MYT1L: variants seen among roughly 807,000 people sequenced by gnomAD.
MYT1L encodes the protein myelin transcription factor 1 like, also known as myelin transcription factor 1-like protein.
MYT1L carries 12 observed loss-of-function variants against 126.7 expected under a neutral mutation model. The ratio of observed to expected loss-of-function variants is 0.09; its 90% CI spans 0.06 to 0.15. The LOEUF (loss-of-function observed/expected upper bound fraction) is 0.15. MYT1L is among the 10% of genes least tolerant of loss of function. The pLI is 1.00. For missense variants in MYT1L, 979 were observed against 1,585.2 expected (o/e 0.62, Z 6.49); for synonymous variants, 541 against 604.2 (o/e 0.90, Z 1.53).
chr2:2,295,605 C>CAGAGAGAGAGAGAGAGAGAG (rs2095666291), intron 1 of MYT1L, among the ~76,000 whole-genome samples: 2 of 9,676 alleles, frequency 2.1e-4, no homozygotes, highest in Admixed American at 1.2e-3. Context: ...GAGAGAGAGA[C>CAGAGAGAGAGAGAGAGAGAG]AGACAGAGAG....
chr2:1,807,301 C>G (rs575590445), intron 22 of MYT1L, among the ~76,000 whole-genome samples: 31 of 152,364 alleles, frequency 2.0e-4, no homozygotes, highest in African/African-American at 7.0e-4. Flanking sequence ...AGGCGTCTCT[C>G]ATGCTGTCCT....
chr2:2,257,872 C>T lies in MYT1L; in HGVS notation c.-421+26532G>A, dbSNP rs1382630843. 2.7e-5 allele frequency among the ~76,000 whole-genome samples: 4 copies of T among 147,784 alleles called. No homozygotes were observed. The South Asian group carries it at 6.5e-4, about 24-fold the overall frequency. On this transcript the variant is annotated intron_variant, in intron 2 of 24. Coordinates refer to ENST00000647738, the MANE Select transcript of MYT1L (RefSeq NM_001303052.2). ...CCATCAAGCTACCAATGACTTTCTTCACAGAATTGGAAAAAACTACTTTAA... is the reference window on the plus strand; with the variant it reads ...CCATCAAGCTACCAATGACTTTCTTTACAGAATTGGAAAAAACTACTTTAA...
chr2:2,290,707 A>G (rs1042272966), intron 1 of MYT1L, among the ~76,000 whole-genome samples: 1 of 152,148 alleles, frequency 6.6e-6, no homozygotes, highest in Non-Finnish European at 1.5e-5. Flanking sequence ...ACCTGGTTGC[A>G]TATTGCAATT....
intron 2 of MYT1L, among the ~76,000 whole-genome samples, chr2:2,181,171 CAT>C (rs764111704): frequency 5.3e-5 from 8 of 150,738 alleles, no homozygotes; most frequent in South Asian, 2.1e-4. Context: ...TGTGTGTGCA[CAT>C]GTATCTGTAC....
chr2:2,278,044 A>G (rs2095391988), intron 2 of MYT1L, among the ~76,000 whole-genome samples: 1 of 152,240 alleles, frequency 6.6e-6, no homozygotes, highest in Non-Finnish European at 1.5e-5. Context: ...CATATACAAA[A>G]TTAGACTTCT....
At chr2:2,094,485 C>A (rs562316378) in intron 3 of MYT1L, among the ~76,000 whole-genome samples, 7 of 152,016 alleles carry the variant, frequency 4.6e-5, no homozygotes, top group African/African-American at 1.5e-4. Flanking sequence ...ATGTTTATTG[C>A]GGCACTATTT....
chr2:2,123,670 C>T (rs550932360), intron 3 of MYT1L, among the ~76,000 whole-genome samples: 4 of 152,346 alleles, frequency 2.6e-5, no homozygotes, highest in Non-Finnish European at 4.4e-5. Flanking sequence ...GCTTCCTGTA[C>T]AGCCTGTGGA....
chr2:2,214,614 T>C (rs1423058995), intron 2 of MYT1L, among the ~76,000 whole-genome samples: 1 of 152,162 alleles, frequency 6.6e-6, no homozygotes, highest in African/African-American at 2.4e-5. Context: ...AAGTTCTTTG[T>C]CCACAAAAAT....
chr2:2,018,045 C>T (rs558691991), intron 4 of MYT1L, among the ~76,000 whole-genome samples: 10 of 152,252 alleles, frequency 6.6e-5, no homozygotes, highest in South Asian at 2.1e-4. Flanking sequence ...CACACACAAA[C>T]GCACACACGT....
chr2:2,069,242 G>A (rs1027005900), intron 3 of MYT1L, among the ~76,000 whole-genome samples: 1 of 152,014 alleles, frequency 6.6e-6, no homozygotes, highest in African/African-American at 2.4e-5. Context: ...ACCCTGACAG[G>A]CCTTGGTGTG....
intron 5 of MYT1L, among the ~76,000 whole-genome samples, chr2:1,980,389 C>T (rs534324541): frequency 2.0e-5 from 3 of 150,608 alleles, no homozygotes; most frequent in African/African-American, 4.9e-5. Context: ...TCTGATTAAG[C>T]GGTTAAGACA....
At chr2:2,101,390 A>G (rs960228137) in intron 3 of MYT1L, among the ~76,000 whole-genome samples, 2 of 152,118 alleles carry the variant, frequency 1.3e-5, no homozygotes, top group African/African-American at 4.8e-5. Flanking sequence ...TATACGCAAA[A>G]TAAAGATTTA....
intron 17 of MYT1L, 62 bp from the exon 18 acceptor site, chr2:1,886,669 C>T: frequency 8.3e-7 from 1 of 1,200,324 alleles, no homozygotes; most frequent in Non-Finnish European, 1.1e-6. Context: ...CCCAAACAAA[C>T]ACAACATAAA....
At chr2:2,283,319 T>C (rs1207025617) in intron 2 of MYT1L, among the ~76,000 whole-genome samples, 1 of 152,188 alleles carries the variant, frequency 6.6e-6, no homozygotes, top group Non-Finnish European at 1.5e-5. Flanking sequence ...GTTTCTACAA[T>C]GGACATACAC....
chr2:2,094,728 C>T (rs1294075629), intron 3 of MYT1L, among the ~76,000 whole-genome samples: 2 of 143,486 alleles, frequency 1.4e-5, no homozygotes, highest in Admixed American at 7.3e-5. Context: ...ATAATGAGAA[C>T]ACTTGGTCAC....
intron 2 of MYT1L, among the ~76,000 whole-genome samples, chr2:2,239,824 G>A (rs887237282): frequency 3.3e-5 from 5 of 152,198 alleles, no homozygotes; most frequent in Non-Finnish European, 7.3e-5. Context: ...GAACTGAGAG[G>A]TGAAGTCTCC....
At chr2:2,187,968 A>G (rs1283235915) in intron 2 of MYT1L, among the ~76,000 whole-genome samples, 1 of 152,224 alleles carries the variant, frequency 6.6e-6, no homozygotes, top group Non-Finnish European at 1.5e-5. Context: ...TATATTAAAT[A>G]TATATGCATA....
intron 8 of MYT1L, among the ~76,000 whole-genome samples, chr2:1,948,518 A>G (rs1464334419): frequency 3.9e-5 from 6 of 152,228 alleles, no homozygotes; most frequent in Non-Finnish European, 4.4e-5. Context: ...CCAAAGGTTT[A>G]GAATATTTCA....
At chr2:2,075,399 C>A (rs1048528146) in intron 3 of MYT1L, among the ~76,000 whole-genome samples, 3 of 152,184 alleles carry the variant, frequency 2.0e-5, no homozygotes, top group Non-Finnish European at 4.4e-5. Flanking sequence ...CCAGCAAATT[C>A]ACAGTCATCT....
Sources: gnomAD v4.1 joint callset for allele counts (sites outside exome capture counted in the v4.1 genomes callset) on GRCh38, gnomAD v4.1.1 for gene constraint, MANE v1.5 for transcripts, NCBI Gene and HGNC (gene_info 2026-07-23, HGNC 2026-07-21) for gene names.